Variants in LMOD1 observed in about 807,000 individuals in gnomAD.
The protein encoded by LMOD1 is leiomodin 1, also known as leiomodin-1.
In LMOD1, 8 loss-of-function variants were observed where a neutral mutation model predicts 36.5. That is an observed-to-expected ratio of 0.22 (90% CI 0.13 to 0.40). LMOD1 has a LOEUF of 0.40. Ranked by LOEUF, LMOD1 falls within the 10% of genes least tolerant of loss-of-function variation. LMOD1 has a pLI of 1.00. For synonymous variants in LMOD1, 284 were observed against 288.7 expected (o/e 0.98, Z 0.17); for missense variants, 630 against 751.1 (o/e 0.84, Z 1.88).
chr1:201,930,927 A>G (rs1201423335), intron 1 of LMOD1, among the ~76,000 whole-genome samples: 1 of 152,234 alleles, frequency 6.6e-6, no homozygotes, highest in African/African-American at 2.4e-5. Context: ...AATAGAATAA[A>G]GACTAAAAGG....
At chr1:201,907,780 G>C (rs1345665350) in intron 1 of LMOD1, among the ~76,000 whole-genome samples, 1 of 152,150 alleles carries the variant, frequency 6.6e-6, no homozygotes, top group East Asian at 1.9e-4. Context: ...GTCCTCTCAA[G>C]CCATTCCACC....
intron 1 of LMOD1, among the ~76,000 whole-genome samples, chr1:201,905,339 T>A (rs1681395314): frequency 6.6e-6 from 1 of 152,236 alleles, no homozygotes; most frequent in African/African-American, 2.4e-5. Flanking sequence ...GATGTTGCTC[T>A]GTGTCTGCCA....
chr1:201,939,565 G>A (rs1682078711), intron 1 of LMOD1, among the ~76,000 whole-genome samples: 1 of 152,192 alleles, frequency 6.6e-6, no homozygotes, highest in Non-Finnish European at 1.5e-5. Context: ...GAGAACTGAT[G>A]AACCGAATGG....
At chr1:201,924,921 T>A (rs987721091) in intron 1 of LMOD1, among the ~76,000 whole-genome samples, 3 of 151,768 alleles carry the variant, frequency 2.0e-5, no homozygotes, top group Non-Finnish European at 4.4e-5. Flanking sequence ...AGAAAAGAGT[T>A]CAAGATATTC....
intron 1 of LMOD1, among the ~76,000 whole-genome samples, chr1:201,929,883 C>T (rs1319454633): frequency 1.3e-5 from 2 of 152,128 alleles, no homozygotes; most frequent in African/African-American, 4.8e-5. Context: ...GGTGCCAGAA[C>T]TTGCAGGAGG....
At chr1:201,933,597 A>T (rs1370795306) in intron 1 of LMOD1, among the ~76,000 whole-genome samples, 6 of 110,922 alleles carry the variant, frequency 5.4e-5, no homozygotes, top group African/African-American at 1.4e-4. Flanking sequence ...TACATACATT[A>T]TATATATATA....
chr1:201,905,986 G>A (rs79205039), intron 1 of LMOD1, among the ~76,000 whole-genome samples: 6 of 152,294 alleles, frequency 3.9e-5, no homozygotes, highest in Middle Eastern at 3.4e-3. Flanking sequence ...CCCTTGCTAC[G>A]TCCCCTCAAT....
chr1:201,916,137 T>C (rs141510739), intron 1 of LMOD1, among the ~76,000 whole-genome samples: 1,524 of 151,284 alleles, frequency 0.01, 30 homozygotes, highest in African/African-American at 0.035. Flanking sequence ...AGGCTGGTCT[T>C]AAACTTCTGG....
intron 1 of LMOD1, among the ~76,000 whole-genome samples, chr1:201,912,401 C>T (rs538952255): frequency 6.6e-6 from 1 of 152,094 alleles, no homozygotes; most frequent in African/African-American, 2.4e-5. Flanking sequence ...CCACAGCTCC[C>T]TTCACTCCCT....
Position 201,899,912 on chromosome 1 carries a change from G to A in LMOD1, c.1101C>T (p.Ala367=). 6.2e-7 allele frequency: 1 copy of A among 1,613,872 alleles called. No individual in the cohort carries two copies. The highest frequency in any genetic ancestry group is 1.7e-5 in the Admixed American group (1 of 59,974). The part of the protein sequence containing the change: ...FNTVVKLFAL[A]NTRADDHVAF... ...CCACGTGGTCATCGGCTCGCGTGTT[G>A]GCCAAGGCGAACAGCTTAACCACAG... Residue 367 remains alanine, a synonymous_variant, in exon 2 of 3, where the codon GCC becomes GCT. Coordinates refer to ENST00000367288, the MANE Select transcript of LMOD1 (RefSeq NM_012134.3). This position sits in a 1 kb window ranked among gnomAD's most constrained non-coding sequence, Gnocchi z 6.3.
intron 1 of LMOD1, among the ~76,000 whole-genome samples, chr1:201,909,888 G>A (rs539491454): frequency 6.9e-4 from 105 of 152,298 alleles, no homozygotes; most frequent in Middle Eastern, 3.4e-3. Flanking sequence ...TCTAGAGTCT[G>A]AACTTTTAAC....
At chr1:201,905,005 C>T (rs138283038) in intron 1 of LMOD1, among the ~76,000 whole-genome samples, 213 of 152,308 alleles carry the variant, frequency 1.4e-3, no homozygotes, top group Middle Eastern at 0.01. Context: ...GTGTTTCTGT[C>T]GCTAGACCTT....
Position 201,899,107 on chromosome 1 carries a change from T to C in LMOD1, c.1776+130A>G, listed in dbSNP as rs1407412891. On this transcript the variant is annotated intron_variant, in intron 2 of 2. Transcript: ENST00000367288. This position sits in a 1 kb window ranked among gnomAD's most constrained non-coding sequence, Gnocchi z 6.3. The stretch of plus-strand genomic sequence containing the variant: ...GCATGAGATGACCTGAAGTCCCCTA[T>C]GGGCCCTGGGAGTCTATATCATCTG... 1 of 806,676 alleles carries C rather than the reference T, an allele frequency of 1.2e-6. No homozygotes were observed. The highest frequency in any genetic ancestry group is 1.9e-6 in the Non-Finnish European group (1 of 527,624). The allele number at this position is 806,676 out of a possible 1,614,324, so 50.0% of individuals were successfully genotyped here.
chr1:201,938,690 C>T (rs1360997779), intron 1 of LMOD1, among the ~76,000 whole-genome samples: 3 of 152,142 alleles, frequency 2.0e-5, no homozygotes, highest in African/African-American at 7.2e-5. Flanking sequence ...CAAAGGAAGG[C>T]CTATTGAAGT....
At position 201,929,840 on chromosome 1, in the gene LMOD1, T is replaced by C. The variant is rs138654915; in HGVS notation, c.261+16240A>G. On this transcript the variant is annotated intron_variant, in intron 1 of 2. Transcript: ENST00000367288. Reference sequence around the variant, plus strand: ...GGAAAAGCACAGAAACAGACAATGCTGAAATGATGTGTTACATGCGAATGG... The same window carrying C: ...GGAAAAGCACAGAAACAGACAATGCCGAAATGATGTGTTACATGCGAATGG... Among the ~76,000 whole-genome samples the C allele has an allele frequency of 1.8e-3, 274 of 152,266 alleles. 2 individuals carry two copies. The highest frequency in any genetic ancestry group is 6.4e-3 in the African/African-American group (265 of 41,552).
intron 1 of LMOD1, among the ~76,000 whole-genome samples, chr1:201,916,758 C>A (rs1331665706): frequency 6.6e-6 from 1 of 152,172 alleles, no homozygotes; most frequent in Non-Finnish European, 1.5e-5. Flanking sequence ...TGCCTCGCAG[C>A]CTGACCTTCG....
Position 201,946,416 on chromosome 1 carries a change from C to G in LMOD1, c.-76G>C. 1 of 1,500,424 alleles carries G rather than the reference C, an allele frequency of 6.7e-7. No homozygotes were observed. The highest frequency in any genetic ancestry group is 9.1e-7 in the Non-Finnish European group (1 of 1,101,166). The allele number at this position is 1,500,424 out of a possible 1,614,324, so 92.9% of individuals were successfully genotyped here. On this transcript the variant is annotated 5_prime_UTR_variant, in exon 1 of 3. Transcript: ENST00000367288. Reference sequence around the variant, plus strand: ...AGGGAAGGGAGAGGGGTGAGCTGATCTGGATGCAGCGAGTGGGCTGAGGAG... The same window carrying G: ...AGGGAAGGGAGAGGGGTGAGCTGATGTGGATGCAGCGAGTGGGCTGAGGAG...
At chr1:201,922,869 G>A (rs1415498437) in intron 1 of LMOD1, among the ~76,000 whole-genome samples, 2 of 151,914 alleles carry the variant, frequency 1.3e-5, no homozygotes, top group Non-Finnish European at 2.9e-5. Context: ...CTGTCACCCA[G>A]GCTGGAGTGC....
At position 201,938,428 on chromosome 1, in the gene LMOD1, C is replaced by T. The variant is rs550573633; in HGVS notation, c.261+7652G>A. Reference sequence around the variant, plus strand: ...ACAGGCATGAGACACCGCGCCCGGCCGTAATTTCCATTTTATAGGTGAGGA... The same window carrying T: ...ACAGGCATGAGACACCGCGCCCGGCTGTAATTTCCATTTTATAGGTGAGGA... On this transcript the variant is annotated intron_variant, in intron 1 of 2. Transcript: ENST00000367288. Among the ~76,000 whole-genome samples the T allele has an allele frequency of 7.9e-5, 12 of 152,122 alleles. No individual in the cohort carries two copies. The South Asian group carries it at 8.3e-4, about 11-fold the overall frequency.
Sources: gnomAD v4.1 joint callset for allele counts (sites outside exome capture counted in the v4.1 genomes callset) on GRCh38, gnomAD v4.1.1 for gene constraint, Gnocchi (gnomAD v3.1) non-coding constraint, MANE v1.5 for transcripts, NCBI Gene and HGNC (gene_info 2026-07-23, HGNC 2026-07-21) for gene names.